Variants in TSHZ2 observed in about 807,000 individuals in gnomAD.
The protein encoded by TSHZ2 is teashirt zinc finger homeobox 2, also known as teashirt homolog 2.
In TSHZ2, 21 loss-of-function variants were observed where a neutral mutation model predicts 74.4. The observed-to-expected ratio is 0.28, with a 90% confidence interval of 0.20 to 0.41. The LOEUF is 0.41. Among genes scored for constraint, TSHZ2 ranks in the 10% least tolerant of loss-of-function variants. The pLI is 1.00. For synonymous variants in TSHZ2, 540 were observed against 515.3 expected (o/e 1.05, Z -0.65); for missense variants, 1,244 against 1,293.5 (o/e 0.96, Z 0.59).
At position 53,050,141 on chromosome 20, in the gene TSHZ2, G is replaced by GTATATA. The variant is rs1197922223; in HGVS notation, c.40+76815_40+76820dup. ...TATATATATACACATATATATATGT[G>GTATATA]TATATATATATACACATATATATGT... On this transcript the variant is annotated intron_variant, in intron 1 of 2. Transcript: ENST00000371497. Among the ~76,000 whole-genome samples the GTATATA allele has an allele frequency of 5.2e-5, 4 of 76,420 alleles. No individual in the cohort carries two copies. The East Asian group carries it at 1.9e-3, about 36-fold the overall frequency. 50.1% of individuals were successfully genotyped at this position (76,420 alleles called of 152,430 possible). A position where few individuals can be genotyped will look rare whatever the true frequency, so the allele number is the denominator to read the frequency against.
At chr20:53,251,965 C>T (rs1990342200) in intron 1 of TSHZ2, among the ~76,000 whole-genome samples, 1 of 152,216 alleles carries the variant, frequency 6.6e-6, no homozygotes, top group African/African-American at 2.4e-5. Flanking sequence ...CTCTGCAACG[C>T]TAGCTGTGTG....
chr20:53,214,253 C>T (rs148691536), intron 1 of TSHZ2, among the ~76,000 whole-genome samples: 66 of 152,056 alleles, frequency 4.3e-4, no homozygotes, highest in East Asian at 1.9e-3. Flanking sequence ...GTTTATGTTA[C>T]GGGGGTGGCA....
At chr20:53,464,923 C>T (rs530453086) in intron 2 of TSHZ2, among the ~76,000 whole-genome samples, 24 of 152,324 alleles carry the variant, frequency 1.6e-4, no homozygotes, top group African/African-American at 9.6e-5. Flanking sequence ...TGAGCCACCA[C>T]GCTCAGCTTA....
At chr20:52,994,565 C>T (rs1982112022) in intron 1 of TSHZ2, among the ~76,000 whole-genome samples, 1 of 152,134 alleles carries the variant, frequency 6.6e-6, no homozygotes, top group Non-Finnish European at 1.5e-5. Context: ...TGATTTCTGC[C>T]CGGATTTTAT....
intron 2 of TSHZ2, among the ~76,000 whole-genome samples, chr20:53,364,639 C>T (rs1981188951): frequency 6.6e-6 from 1 of 152,216 alleles, no homozygotes; most frequent in South Asian, 2.1e-4. Flanking sequence ...TTGTTTCTTC[C>T]TTGAAAGCTG....
intron 1 of TSHZ2, among the ~76,000 whole-genome samples, chr20:53,179,975 T>C (rs1568797751): frequency 6.6e-6 from 1 of 152,202 alleles, no homozygotes. Flanking sequence ...ATAACCGTAA[T>C]GGAAACACCT....
At chr20:53,081,896 TC>T (rs1286167528) in intron 1 of TSHZ2, among the ~76,000 whole-genome samples, 1 of 110,734 alleles carries the variant, frequency 9.0e-6, no homozygotes, top group Non-Finnish European at 1.7e-5. Flanking sequence ...ATATGTTTAT[TC>T]TTTTTTTTTT....
At chr20:53,329,750 C>G (rs891734962) in intron 2 of TSHZ2, among the ~76,000 whole-genome samples, 11 of 152,104 alleles carry the variant, frequency 7.2e-5, no homozygotes, top group African/African-American at 2.2e-4. Flanking sequence ...AAGAAATCAG[C>G]TAAAAACAGC....
At chr20:53,084,164 T>A (rs181611949) in intron 1 of TSHZ2, among the ~76,000 whole-genome samples, 4 of 152,330 alleles carry the variant, frequency 2.6e-5, no homozygotes, top group Non-Finnish European at 4.4e-5. Flanking sequence ...TACACAGCAA[T>A]TACTCAAAAG....
At chr20:53,297,826 A>C (rs1991407685) in intron 2 of TSHZ2, among the ~76,000 whole-genome samples, 1 of 152,248 alleles carries the variant, frequency 6.6e-6, no homozygotes, top group East Asian at 1.9e-4. Flanking sequence ...ACACACTGAA[A>C]CACTAGATAA....
intron 2 of TSHZ2, among the ~76,000 whole-genome samples, chr20:53,477,775 T>G (rs1398500654): frequency 7.7e-6 from 1 of 130,022 alleles, no homozygotes; most frequent in Non-Finnish European, 1.6e-5. Flanking sequence ...GACAAAGGGC[T>G]AATATCCAGA....
At chr20:53,287,774 G>C (rs1991197128) in intron 2 of TSHZ2, among the ~76,000 whole-genome samples, 1 of 152,160 alleles carries the variant, frequency 6.6e-6, no homozygotes, top group South Asian at 2.1e-4. Flanking sequence ...GTAGATGAAA[G>C]TAGAAGTCAT....
At chr20:53,078,157 C>G (rs558864296) in intron 1 of TSHZ2, among the ~76,000 whole-genome samples, 3 of 152,076 alleles carry the variant, frequency 2.0e-5, no homozygotes, top group Non-Finnish European at 4.4e-5. Flanking sequence ...TGTGTGTTCA[C>G]GCTAAGAAAG....
intron 2 of TSHZ2, among the ~76,000 whole-genome samples, chr20:53,361,152 A>T (rs1286237283): frequency 1.3e-5 from 2 of 151,728 alleles, no homozygotes; most frequent in African/African-American, 4.8e-5. Flanking sequence ...AATAAAGAAC[A>T]CCCCCCAAAG....
intron 2 of TSHZ2, among the ~76,000 whole-genome samples, chr20:53,331,985 C>T (rs1214613420): frequency 6.6e-6 from 1 of 152,166 alleles, no homozygotes; most frequent in African/African-American, 2.4e-5. Context: ...GCCAGGAGGA[C>T]AGAGACTCCA....
intron 2 of TSHZ2, among the ~76,000 whole-genome samples, chr20:53,485,261 A>T (rs1012631365): frequency 6.6e-6 from 1 of 152,246 alleles, no homozygotes; most frequent in African/African-American, 2.4e-5. Context: ...TGCAAACATT[A>T]AATGTCCAAT....
intron 2 of TSHZ2, chr20:53,421,681 G>GTTTTTTTTTTTTTTTTTTTTTTTTTTTTT (rs34083391): frequency 1.2e-5 from 1 of 85,578 alleles, no homozygotes; most frequent in African/African-American, 5.4e-5. Context: ...TATGTTTTTG[G>GTTTTTTTTTTTTTTTTTTTTTTTTTTTTT]TTTTTTTTTT....
chr20:53,026,545 T>C (rs2123049041), intron 1 of TSHZ2, among the ~76,000 whole-genome samples: 1 of 152,180 alleles, frequency 6.6e-6, no homozygotes, highest in South Asian at 2.1e-4. Context: ...AAAAAATTTT[T>C]TTCTAAGACA....
At chr20:53,205,055 C>A (rs1186289766) in intron 1 of TSHZ2, among the ~76,000 whole-genome samples, 1 of 150,206 alleles carries the variant, frequency 6.7e-6, no homozygotes, top group African/African-American at 2.5e-5. Flanking sequence ...CTCGCCACTG[C>A]ACTCCAGTCT....
Sources: gnomAD v4.1 joint callset for allele counts (sites outside exome capture counted in the v4.1 genomes callset) on GRCh38, gnomAD v4.1.1 for gene constraint, MANE v1.5 for transcripts, NCBI Gene and HGNC (gene_info 2026-07-23, HGNC 2026-07-21) for gene names.